The following DENND1A variants were observed in gnomAD, a reference collection of about 807,000 sequenced individuals.
The protein encoded by DENND1A is DENN domain containing 1A.
A neutral mutation model predicts 113.7 loss-of-function variants in DENND1A; 51 were observed. The ratio of observed to expected loss-of-function variants is 0.45; its 90% CI spans 0.36 to 0.57. The LOEUF (loss-of-function observed/expected upper bound fraction) is 0.57, where lower values mean the gene tolerates loss of function less well. Ranked by LOEUF, DENND1A falls within the 20% of genes least tolerant of loss-of-function variation. The probability of loss-of-function intolerance (pLI) is 0.00; values close to 1 mark genes in which losing one functional copy is unlikely to be tolerated. For synonymous variants in DENND1A, 565 were observed against 570.8 expected (o/e 0.99, Z 0.14); for missense variants, 1,258 against 1,395.9 (o/e 0.90, Z 1.57).
chr9:123,898,278 G>A (rs1394202030), intron 1 of DENND1A, among the ~76,000 whole-genome samples: 1 of 151,952 alleles, frequency 6.6e-6, no homozygotes, highest in Non-Finnish European at 1.5e-5. Context: ...TTATTGGATT[G>A]TCTTATTGAG....
chr9:123,903,972 G>A (rs1852249932), intron 1 of DENND1A, among the ~76,000 whole-genome samples: 1 of 152,150 alleles, frequency 6.6e-6, no homozygotes, highest in Non-Finnish European at 1.5e-5. Context: ...AAATGTCCCT[G>A]TCTGACAGCT....
At chr9:123,601,203 G>A (rs1053561761) in intron 11 of DENND1A, among the ~76,000 whole-genome samples, 1 of 152,230 alleles carries the variant, frequency 6.6e-6, no homozygotes, top group Non-Finnish European at 1.5e-5. Context: ...TCCATCTCAC[G>A]TGAGAATATT....
At chr9:123,466,127 T>G (rs2048928145) in intron 13 of DENND1A, among the ~76,000 whole-genome samples, 1 of 152,026 alleles carries the variant, frequency 6.6e-6, no homozygotes, top group Non-Finnish European at 1.5e-5. Context: ...GCCTCCTGAG[T>G]AGCTGGGACT....
chr9:123,694,799 C>T (rs142758912), intron 5 of DENND1A, among the ~76,000 whole-genome samples: 36 of 152,300 alleles, frequency 2.4e-4, no homozygotes, highest in African/African-American at 7.0e-4. Flanking sequence ...TTGGTATCTA[C>T]TCGGACACCC....
intron 2 of DENND1A, among the ~76,000 whole-genome samples, chr9:123,801,947 A>G (rs542661945): frequency 9.8e-4 from 150 of 152,350 alleles, no homozygotes; most frequent in African/African-American, 3.4e-3. Context: ...GACCAATTGT[A>G]TATTCTTACA....
intron 11 of DENND1A, among the ~76,000 whole-genome samples, chr9:123,606,684 C>T (rs1564805846): frequency 6.6e-6 from 1 of 152,236 alleles, no homozygotes; most frequent in Non-Finnish European, 1.5e-5. Flanking sequence ...CCAATTACAG[C>T]TTTCCAAGCA....
At chr9:123,426,522 C>G (rs2045744983) in intron 19 of DENND1A, among the ~76,000 whole-genome samples, 1 of 152,128 alleles carries the variant, frequency 6.6e-6, no homozygotes, top group Non-Finnish European at 1.5e-5. Context: ...CTCGTGGCTG[C>G]TAAGGGAGTA....
At chr9:123,846,502 GATAA>G (rs1842639673) in intron 2 of DENND1A, among the ~76,000 whole-genome samples, 1 of 152,150 alleles carries the variant, frequency 6.6e-6, no homozygotes, top group African/African-American at 2.4e-5. Context: ...ACATCTAATG[GATAA>G]ATATTCAGCC....
At chr9:123,448,681 A>T (rs1175737052) in intron 18 of DENND1A, among the ~76,000 whole-genome samples, 1 of 152,210 alleles carries the variant, frequency 6.6e-6, no homozygotes, top group African/African-American at 2.4e-5. Flanking sequence ...GTGCAAACAG[A>T]CTACAGTTTA....
At chr9:123,690,200 T>C (rs2065104462) in intron 5 of DENND1A, among the ~76,000 whole-genome samples, 2 of 151,364 alleles carry the variant, frequency 1.3e-5, no homozygotes, top group Non-Finnish European at 2.9e-5. Context: ...CCACTATGTG[T>C]CACATGCCAT....
chr9:123,490,123 A>G (rs947026835), intron 13 of DENND1A, among the ~76,000 whole-genome samples: 1 of 152,208 alleles, frequency 6.6e-6, no homozygotes, highest in Non-Finnish European at 1.5e-5. Flanking sequence ...GCCTGTTTTG[A>G]AAACAATTTC....
At chr9:123,774,764 A>G (rs1830225585) in intron 3 of DENND1A, among the ~76,000 whole-genome samples, 1 of 152,306 alleles carries the variant, frequency 6.6e-6, no homozygotes, top group South Asian at 2.1e-4. Flanking sequence ...TAATTATGCA[A>G]TTTTATATGT....
At chr9:123,478,340 G>T (rs910454410) in intron 13 of DENND1A, among the ~76,000 whole-genome samples, 2 of 152,218 alleles carry the variant, frequency 1.3e-5, no homozygotes, top group African/African-American at 2.4e-5. Context: ...GTGCCTGGGG[G>T]CACCATGGTA....
At chr9:123,687,404 G>C (rs1178068637) in intron 5 of DENND1A, among the ~76,000 whole-genome samples, 1 of 152,106 alleles carries the variant, frequency 6.6e-6, no homozygotes, top group African/African-American at 2.4e-5. Flanking sequence ...AGCTACCTTA[G>C]AACTCTTGAT....
At chr9:123,703,613 T>C (rs2066006616) in intron 5 of DENND1A, among the ~76,000 whole-genome samples, 1 of 152,026 alleles carries the variant, frequency 6.6e-6, no homozygotes, top group Non-Finnish European at 1.5e-5. Context: ...AAAATGGCAG[T>C]AATAAGTCCT....
At chr9:123,642,245 A>C (rs1364795648) in intron 9 of DENND1A, among the ~76,000 whole-genome samples, 1 of 152,234 alleles carries the variant, frequency 6.6e-6, no homozygotes, top group Non-Finnish European at 1.5e-5. Context: ...ATACATTTTA[A>C]AGCCAGAGAA....
intron 10 of DENND1A, among the ~76,000 whole-genome samples, chr9:123,624,593 A>T (rs915565585): frequency 3.9e-5 from 6 of 152,342 alleles, no homozygotes; most frequent in African/African-American, 1.4e-4. Context: ...TATTACAGAA[A>T]CAGAAACTTC....
intron 21 of DENND1A, among the ~76,000 whole-genome samples, chr9:123,392,900 G>A (rs899608536): frequency 1.3e-5 from 2 of 152,152 alleles, no homozygotes; most frequent in African/African-American, 4.8e-5. Flanking sequence ...ACTTATGAGT[G>A]AGAACATATG....
intron 2 of DENND1A, among the ~76,000 whole-genome samples, chr9:123,824,328 C>T (rs1167526213): frequency 6.6e-6 from 1 of 152,146 alleles, no homozygotes; most frequent in Non-Finnish European, 1.5e-5. Context: ...ACCTTTAACT[C>T]GCAATCACTT....
Sources: gnomAD v4.1 joint callset for allele counts (sites outside exome capture counted in the v4.1 genomes callset) on GRCh38, gnomAD v4.1.1 for gene constraint, MANE v1.5 for transcripts, NCBI Gene and HGNC (gene_info 2026-07-23, HGNC 2026-07-21) for gene names.